RIC8B: variants seen among roughly 807,000 people sequenced by gnomAD.
RIC8B encodes the protein chaperone Ric-8B.
Under a neutral mutation model 57.5 loss-of-function variants are expected in RIC8B, and 16 were observed. That is an observed-to-expected ratio of 0.28 (90% CI 0.19 to 0.42). The LOEUF is 0.42. Ranked by LOEUF, RIC8B falls within the 10% of genes least tolerant of loss-of-function variation. The probability of loss-of-function intolerance (pLI) is 1.00; values close to 1 mark genes in which losing one functional copy is unlikely to be tolerated. For synonymous variants in RIC8B, 216 were observed against 250.8 expected (o/e 0.86, Z 1.31); for missense variants, 481 against 677.0 (o/e 0.71, Z 3.21).
chr12:106,815,005 C>G lies in RIC8B; in HGVS notation c.442C>G (p.Leu148Val). ...LNLAAKLCNL[L>V]RKCKDRKFIN... ...TCTTGCTGCAAAGCTCTGTAACCTC[C>G]TGAGAAAGTGCAAGGACCGGAAATT... Residue 148 changes from leucine (L) to valine (V), a missense_variant, in exon 3 of 10, where the codon CTG becomes GTG. Around this residue, in one of 3 missense-constraint regions of RIC8B, gnomAD observed 421 missense variants for 560.9 expected, o/e 0.75. Transcript: ENST00000392837. 1 of 1,614,208 alleles carries G rather than the reference C, an allele frequency of 6.2e-7. No individual in the cohort carries two copies. Among genetic ancestry groups the G allele is most frequent in the Non-Finnish European group, 8.5e-7 (1 of 1,180,032 alleles).
chr12:106,824,838 C>T (rs184700317), intron 3 of RIC8B, among the ~76,000 whole-genome samples: 173 of 148,288 alleles, frequency 1.2e-3, no homozygotes, highest in Non-Finnish European at 2.1e-3. Context: ...ACCTGGAAGG[C>T]GGAGGTTGCG....
intron 4 of RIC8B, among the ~76,000 whole-genome samples, chr12:106,841,075 C>CA (rs1038326952): frequency 2.6e-5 from 4 of 151,454 alleles, no homozygotes; most frequent in East Asian, 3.9e-4. Flanking sequence ...CAGATATTTG[C>CA]AAAAAAAAGT....
chr12:106,784,073 TTA>T (rs1850157172), intron 2 of RIC8B, 29 bp downstream of exon 2: 1 of 1,597,210 alleles, frequency 6.3e-7, no homozygotes, highest in Non-Finnish European at 8.6e-7. Context: ...CTGTGAATGT[TTA>T]TGTGTGTGTG....
chr12:106,784,696 A>G (rs558245663), intron 2 of RIC8B, among the ~76,000 whole-genome samples: 5 of 152,288 alleles, frequency 3.3e-5, no homozygotes, highest in Admixed American at 1.3e-4. Flanking sequence ...CCGTACATCT[A>G]TCCCTGGCTA....
intron 3 of RIC8B, among the ~76,000 whole-genome samples, chr12:106,824,886 G>A (rs554545254): frequency 5.7e-4 from 87 of 151,498 alleles, no homozygotes; most frequent in Non-Finnish European, 9.6e-4. Flanking sequence ...CAGCCTAGGC[G>A]ACAAGAGCAA....
intron 7 of RIC8B, among the ~76,000 whole-genome samples, chr12:106,856,474 A>G (rs17038814): frequency 0.12 from 18,402 of 152,104 alleles, 1,264 homozygotes; most frequent in Middle Eastern, 0.16. Context: ...GCATATCTCC[A>G]TGGCTTGGCA....
intron 9 of RIC8B, among the ~76,000 whole-genome samples, chr12:106,880,759 G>A (rs1950886451): frequency 6.6e-6 from 1 of 152,006 alleles, no homozygotes; most frequent in Admixed American, 6.6e-5. Context: ...GCTGTGTGCT[G>A]TGTTCTATAC....
At chr12:106,778,257 G>A (rs897918873) in intron 1 of RIC8B, among the ~76,000 whole-genome samples, 3 of 152,124 alleles carry the variant, frequency 2.0e-5, no homozygotes, top group Non-Finnish European at 4.4e-5. Flanking sequence ...GTCGGGCTCC[G>A]GGAAACATCT....
intron 8 of RIC8B, among the ~76,000 whole-genome samples, chr12:106,865,246 C>T (rs886454086): frequency 6.6e-6 from 1 of 152,134 alleles, no homozygotes; most frequent in Non-Finnish European, 1.5e-5. Context: ...GTTCCCTTTT[C>T]TCCACATCCT....
At chr12:106,885,250 A>T (rs1056961916) in intron 9 of RIC8B, among the ~76,000 whole-genome samples, 2 of 152,226 alleles carry the variant, frequency 1.3e-5, no homozygotes, top group African/African-American at 4.8e-5. Flanking sequence ...TGAAGAGATT[A>T]AAATGGCTGT....
chr12:106,797,017 T>C (rs533054509), intron 2 of RIC8B, among the ~76,000 whole-genome samples: 2 of 152,130 alleles, frequency 1.3e-5, no homozygotes, highest in Non-Finnish European at 2.9e-5. Context: ...AGATAACAAG[T>C]GTTGACAAGA....
At chr12:106,809,235 G>T (rs1195017062) in intron 2 of RIC8B, among the ~76,000 whole-genome samples, 1 of 152,092 alleles carries the variant, frequency 6.6e-6, no homozygotes, top group Admixed American at 6.6e-5. Context: ...TAAGAATTGT[G>T]TGGTGGGACC....
chr12:106,803,724 C>G (rs733891), intron 2 of RIC8B, among the ~76,000 whole-genome samples: 2,828 of 152,220 alleles, frequency 0.019, 48 homozygotes, highest in Middle Eastern at 0.048. Flanking sequence ...AACCCTCAGC[C>G]CATTAAATCC....
At chr12:106,868,943 G>T (rs1950268774) in intron 8 of RIC8B, among the ~76,000 whole-genome samples, 1 of 150,376 alleles carries the variant, frequency 6.6e-6, no homozygotes, top group Non-Finnish European at 1.5e-5. Flanking sequence ...TACAGCCAAG[G>T]CTAGAAATAA....
intron 1 of RIC8B, among the ~76,000 whole-genome samples, chr12:106,778,361 C>T (rs2043588473): frequency 6.6e-6 from 1 of 152,174 alleles, no homozygotes; most frequent in South Asian, 2.1e-4. Flanking sequence ...ATGTATCTAT[C>T]CCAGAAAGAA....
At chr12:106,813,650 G>T (rs979691149) in intron 2 of RIC8B, among the ~76,000 whole-genome samples, 1 of 152,148 alleles carries the variant, frequency 6.6e-6, no homozygotes, top group African/African-American at 2.4e-5. Context: ...TTCCTGACAA[G>T]ATCACAATGG....
chr12:106,865,438 C>G (rs1950100925), intron 8 of RIC8B, among the ~76,000 whole-genome samples: 1 of 152,120 alleles, frequency 6.6e-6, no homozygotes, highest in Admixed American at 6.6e-5. Flanking sequence ...TATTATTTTT[C>G]TTTGATATAA....
rs572937500 is a variant in RIC8B at position 106,786,845 on chromosome 12, A to G, written c.132+2801A>G. On this transcript the variant is annotated intron_variant, in intron 2 of 9. Coordinates refer to ENST00000392837, the MANE Select transcript of RIC8B (RefSeq NM_001330145.2). Reference sequence around the variant, plus strand: ...GAACATGTTGTTTGACAAACTCATGATAAGTATTCAGGCTAGGAAGCCAGC... The same window carrying G: ...GAACATGTTGTTTGACAAACTCATGGTAAGTATTCAGGCTAGGAAGCCAGC... Among the ~76,000 whole-genome samples the G allele has an allele frequency of 1.7e-4, 26 of 152,266 alleles. No homozygotes were observed. In the Middle Eastern group the frequency reaches 0.014, roughly 80 times the overall value.
chr12:106,870,982 A>G, intron 9 of RIC8B, 40 bp downstream of exon 9: 1 of 1,535,754 alleles, frequency 6.5e-7, no homozygotes, highest in Non-Finnish European at 8.8e-7. Context: ...GTTTCTAAAA[A>G]TGGTCTATTT....
Sources: gnomAD v4.1 joint callset for allele counts (sites outside exome capture counted in the v4.1 genomes callset) on GRCh38, gnomAD v4.1.1 for gene constraint, gnomAD v4.1.1 regional missense constraint, MANE v1.5 for transcripts, NCBI Gene and HGNC (gene_info 2026-07-23, HGNC 2026-07-21) for gene names.